GABBR2: variants seen among roughly 807,000 people sequenced by gnomAD.
The protein encoded by GABBR2 is gamma-aminobutyric acid type B receptor subunit 2.
Under a neutral mutation model 105.6 loss-of-function variants are expected in GABBR2, and 23 were observed. The ratio of observed to expected loss-of-function variants is 0.22; its 90% CI spans 0.16 to 0.31. GABBR2 has a LOEUF of 0.31. Ranked by LOEUF, GABBR2 falls within the 10% of genes least tolerant of loss-of-function variation. GABBR2 has a pLI of 1.00. For missense variants in GABBR2, 734 were observed against 1,245.5 expected, an observed-to-expected ratio of 0.59 and a Z score of 6.18; for synonymous variants, 478 against 499.7, an observed-to-expected ratio of 0.96 and a Z score of 0.58.
intron 1 of GABBR2, among the ~76,000 whole-genome samples, chr9:98,601,342 C>A (rs190269714): frequency 1.3e-5 from 2 of 152,222 alleles, no homozygotes; most frequent in East Asian, 1.9e-4. Flanking sequence ...CACAGCAAGA[C>A]CTCATCTCTA....
At chr9:98,686,229 G>T (rs560026214) in intron 1 of GABBR2, among the ~76,000 whole-genome samples, 2 of 151,992 alleles carry the variant, frequency 1.3e-5, no homozygotes, top group Non-Finnish European at 2.9e-5. Flanking sequence ...AGCCAGAATC[G>T]TCCCTTACCC....
intron 4 of GABBR2, among the ~76,000 whole-genome samples, chr9:98,483,659 C>T (rs545538421): frequency 1.2e-4 from 19 of 152,320 alleles, no homozygotes; most frequent in African/African-American, 4.1e-4. Context: ...GCCCCCCACC[C>T]ATTCTGCAAG....
At chr9:98,593,647 C>T (rs1225624923) in intron 1 of GABBR2, among the ~76,000 whole-genome samples, 4 of 152,140 alleles carry the variant, frequency 2.6e-5, no homozygotes, top group East Asian at 1.9e-4. Context: ...CCCACGCTAC[C>T]GACTTTCCCT....
Position 98,547,277 on chromosome 9 carries a change from A to T in GABBR2, c.460-5234T>A, listed in dbSNP as rs1334100771. The stretch of plus-strand genomic sequence containing the variant: ...AAAAAAAACCTAATATATATATATA[A>T]AATGACTATGCTATATTTATATTGT... On this transcript the variant is annotated intron_variant, in intron 2 of 18. Transcript: ENST00000259455. Among the ~76,000 whole-genome samples, 5 of 117,298 alleles carry T rather than the reference A, an allele frequency of 4.3e-5. 1 individual carries two copies. Among genetic ancestry groups the T allele is most frequent in the African/African-American group, 1.3e-4 (5 of 37,058 alleles). 77.0% of individuals were successfully genotyped at this position (117,298 alleles called of 152,430 possible).
chr9:98,496,454 T>C lies in GABBR2; in HGVS notation c.691A>G (p.Ser231Gly), dbSNP rs558864062. 1 of 1,613,032 alleles carries C rather than the reference T, an allele frequency of 6.2e-7. No homozygotes were observed. The highest frequency in any genetic ancestry group is 8.5e-7 in the Non-Finnish European group (1 of 1,179,386). Residue 231 changes from serine to glycine, a missense_variant, in exon 4 of 19, where the codon AGC becomes GGC. Coordinates refer to ENST00000259455, the MANE Select transcript of GABBR2 (RefSeq NM_005458.8). ...CTGGTACAGGGATCGTTGGAGAAGC[T>C]CTCGGTGTCTGAAATCTCAATGTCC... ...GEDIEISDTE[S>G]FSNDPCTSVK... is the part of the protein sequence containing the mutation.
chr9:98,399,651 A>G (rs908437169), intron 8 of GABBR2, among the ~76,000 whole-genome samples: 1 of 152,188 alleles, frequency 6.6e-6, no homozygotes, highest in African/African-American at 2.4e-5. Flanking sequence ...GACAGGAAAT[A>G]ATTGTTGAGA....
At chr9:98,521,837 T>C (rs1340087318) in intron 3 of GABBR2, among the ~76,000 whole-genome samples, 1 of 151,990 alleles carries the variant, frequency 6.6e-6, no homozygotes, top group Non-Finnish European at 1.5e-5. Flanking sequence ...ATAGAAGGCA[T>C]AAAATGCATA....
intron 7 of GABBR2, among the ~76,000 whole-genome samples, chr9:98,447,530 AGTATGTAT>A (rs201022193): frequency 9.7e-6 from 1 of 103,068 alleles, no homozygotes; most frequent in African/African-American, 3.4e-5. Context: ...ATATGTAACT[AGTATGTAT>A]GTGTGTGTGT....
intron 13 of GABBR2, among the ~76,000 whole-genome samples, chr9:98,342,392 G>A (rs187846270): frequency 2.0e-5 from 3 of 152,258 alleles, no homozygotes; most frequent in East Asian, 3.9e-4. Context: ...CTAGGGAGGC[G>A]AGCCAGCCGG....
chr9:98,512,464 A>G lies in GABBR2; in HGVS notation c.631-15950T>C, dbSNP rs1403520839. Among the ~76,000 whole-genome samples, 3 of 152,022 alleles carry G rather than the reference A, an allele frequency of 2.0e-5. No homozygotes were observed. The South Asian group carries it at 6.3e-4, about 32-fold the overall frequency. On this transcript the variant is annotated intron_variant, in intron 3 of 18. Coordinates refer to ENST00000259455, the MANE Select transcript of GABBR2 (RefSeq NM_005458.8). ...ATTCAATTAGGAAAAGAGGAAGTCA[A>G]ATTGTCCCTGTTTGCAGATGACATG...
At chr9:98,592,675 G>A (rs913809786) in intron 1 of GABBR2, among the ~76,000 whole-genome samples, 8 of 152,198 alleles carry the variant, frequency 5.3e-5, no homozygotes, top group Non-Finnish European at 7.3e-5. Flanking sequence ...TAAGTCATCA[G>A]GAGAGTGTTG....
At chr9:98,317,217 G>T (rs115785098) in intron 13 of GABBR2, among the ~76,000 whole-genome samples, 1 of 152,220 alleles carries the variant, frequency 6.6e-6, no homozygotes, top group Non-Finnish European at 1.5e-5. Flanking sequence ...AGGCCACACC[G>T]GTTTGGGACG....
intron 7 of GABBR2, among the ~76,000 whole-genome samples, chr9:98,445,509 A>C (rs1172884649): frequency 1.3e-5 from 2 of 152,268 alleles, no homozygotes; most frequent in African/African-American, 2.4e-5. Context: ...ACAGGGAATC[A>C]CATGTCAGTA....
At chr9:98,607,081 G>C in intron 1 of GABBR2, 1 of 1,531,272 alleles carries the variant, frequency 6.5e-7, no homozygotes, top group East Asian at 2.2e-5. Flanking sequence ...AAGAGATCTG[G>C]TTTTGATTCA....
chr9:98,673,223 G>A (rs2131862797), intron 1 of GABBR2, among the ~76,000 whole-genome samples: 1 of 152,268 alleles, frequency 6.6e-6, no homozygotes, highest in Middle Eastern at 3.4e-3. Flanking sequence ...AGAAGACCCG[G>A]TGCATATAGA....
At chr9:98,491,246 G>A (rs1204413070) in intron 4 of GABBR2, among the ~76,000 whole-genome samples, 1 of 152,206 alleles carries the variant, frequency 6.6e-6, no homozygotes, top group Middle Eastern at 3.2e-3. Flanking sequence ...GCTTTGGTCT[G>A]ATATGAATAC....
At chr9:98,571,318 G>A (rs1265659805) in intron 2 of GABBR2, among the ~76,000 whole-genome samples, 1 of 152,140 alleles carries the variant, frequency 6.6e-6, no homozygotes, top group African/African-American at 2.4e-5. Context: ...TAGCGGCACT[G>A]GGATACTTGC....
At chr9:98,676,573 G>A (rs995674293) in intron 1 of GABBR2, among the ~76,000 whole-genome samples, 15 of 152,198 alleles carry the variant, frequency 9.9e-5, no homozygotes, top group East Asian at 3.8e-4. Context: ...AGGACAAGTT[G>A]CTTGCTCTGG....
rs113174052 is a variant in GABBR2, at chr9:98,376,789, G to A, written c.1663-5218C>T. Among the ~76,000 whole-genome samples, 176 of 152,274 alleles carry A rather than the reference G, an allele frequency of 1.2e-3. 1 individual carries two copies. Among genetic ancestry groups the A allele is most frequent in the African/African-American group, 3.8e-3 (156 of 41,560 alleles). ...TACAGCAGAGCCTTTCTGGGGGAAC[G>A]GTGCAGGGGGCAAAGGTGACTCAGG... On this transcript the variant is annotated intron_variant, in intron 11 of 18. Coordinates refer to ENST00000259455, the MANE Select transcript of GABBR2 (RefSeq NM_005458.8).
Sources: allele counts gnomAD v4.1 joint callset (sites outside exome capture counted in the v4.1 genomes callset), GRCh38; gene constraint gnomAD v4.1.1; transcripts MANE v1.5; gene names NCBI Gene and HGNC (gene_info 2026-07-23, HGNC 2026-07-21).